The following NLK variants were observed in gnomAD, a reference collection of about 807,000 sequenced individuals.
NLK encodes nemo like kinase.
A neutral mutation model predicts 59.0 loss-of-function variants in NLK; 11 were observed. That is an observed-to-expected ratio of 0.19 (90% CI 0.12 to 0.31). The LOEUF (loss-of-function observed/expected upper bound fraction) is 0.31. Ranked by LOEUF, NLK falls within the 10% of genes least tolerant of loss-of-function variation. The pLI is 1.00. For synonymous variants in NLK, 235 were observed against 235.9 expected (o/e 1.00, Z 0.03); for missense variants, 410 against 661.1 (o/e 0.62, Z 4.16).
At chr17:28,098,645 C>G (rs183722805) in intron 1 of NLK, among the ~76,000 whole-genome samples, 2 of 147,176 alleles carry the variant, frequency 1.4e-5, no homozygotes, top group Admixed American at 1.3e-4. Context: ...AGTTATTTTT[C>G]ACAACTATGA....
At chr17:28,077,770 G>A (rs1910216574) in intron 1 of NLK, among the ~76,000 whole-genome samples, 1 of 152,144 alleles carries the variant, frequency 6.6e-6, no homozygotes. Context: ...TGCCAGTGGT[G>A]TGTTATAATT....
At chr17:28,123,687 G>A (rs1413430172) in intron 2 of NLK, among the ~76,000 whole-genome samples, 2 of 151,996 alleles carry the variant, frequency 1.3e-5, no homozygotes, top group South Asian at 4.1e-4. Context: ...CATCCCTTAA[G>A]GTAACATAGG....
intron 1 of NLK, among the ~76,000 whole-genome samples, chr17:28,091,209 AAAAACAT>A (rs1904479980): frequency 6.6e-6 from 1 of 152,148 alleles, no homozygotes; most frequent in African/African-American, 2.4e-5. Flanking sequence ...TGTAAATTTT[AAAAACAT>A]AAAACAACCA....
chr17:28,085,506 G>A (rs996310758), intron 1 of NLK, among the ~76,000 whole-genome samples: 8 of 152,150 alleles, frequency 5.3e-5, no homozygotes, highest in African/African-American at 1.2e-4. Context: ...TTGGGAGGCC[G>A]AGGTGGGTGC....
intron 3 of NLK, among the ~76,000 whole-genome samples, chr17:28,157,411 A>G (rs1030494684): frequency 6.6e-6 from 1 of 152,000 alleles, no homozygotes; most frequent in African/African-American, 2.4e-5. Context: ...GGCTCGTCTC[A>G]AACTTCTGAC....
At chr17:28,088,336 G>A (rs1464390342) in intron 1 of NLK, among the ~76,000 whole-genome samples, 2 of 152,098 alleles carry the variant, frequency 1.3e-5, no homozygotes, top group East Asian at 3.9e-4. Flanking sequence ...CCATTAATTT[G>A]TTAAGGTTTG....
chr17:28,077,329 A>G (rs1910205834), intron 1 of NLK, among the ~76,000 whole-genome samples: 1 of 152,014 alleles, frequency 6.6e-6, no homozygotes, highest in Non-Finnish European at 1.5e-5. Context: ...GCAAGAGAAA[A>G]TGAGGAAGAT....
intron 1 of NLK, among the ~76,000 whole-genome samples, chr17:28,070,543 G>A (rs1043847278): frequency 1.3e-5 from 2 of 151,112 alleles, no homozygotes; most frequent in South Asian, 2.1e-4. Context: ...TAGTAGAGAC[G>A]GGTTTCACCA....
intron 1 of NLK, among the ~76,000 whole-genome samples, chr17:28,067,316 T>A (rs2142753099): frequency 6.6e-6 from 1 of 152,274 alleles, no homozygotes; most frequent in African/African-American, 2.4e-5. Context: ...TTTATGTTTT[T>A]TACAAAAAGA....
chr17:28,185,858 G>A (rs2142069603), intron 8 of NLK, among the ~76,000 whole-genome samples: 1 of 151,786 alleles, frequency 6.6e-6, no homozygotes, highest in South Asian at 2.1e-4. Context: ...GTTTTTTAAG[G>A]TTATTTGAAA....
rs1909123986 is a variant in NLK at position 28,048,082 on chromosome 17, G to T, written c.458+4751G>T. On this transcript the variant is annotated intron_variant, in intron 1 of 10. Coordinates refer to ENST00000407008, the MANE Select transcript of NLK (RefSeq NM_016231.5). ...TCTAGACATAACAAAGCATCCGTAT[G>T]AAACTAGAAATGTGGAAATCTGTAT... 1.3e-5 allele frequency: 5 copies of T among 396,796 alleles called. No homozygotes were observed. In the South Asian group the frequency reaches 3.9e-4, roughly 31 times the overall value. The allele number at this position is 396,796 out of a possible 1,614,324, so 24.6% of individuals were successfully genotyped here. A position where few individuals can be genotyped will look rare whatever the true frequency, so the allele number is the denominator to read the frequency against.
intron 1 of NLK, among the ~76,000 whole-genome samples, chr17:28,052,415 GT>G (rs2142736436): frequency 6.6e-6 from 1 of 152,270 alleles, no homozygotes; most frequent in South Asian, 2.1e-4. Context: ...GGATAAGAGA[GT>G]TACTAGTTTG....
At chr17:28,202,712 G>A in the NLK span, among the ~76,000 whole-genome samples, 25 of 142,092 alleles carry the variant, frequency 1.8e-4, no homozygotes, top group African/African-American at 3.9e-4. Context: ...TGAGACAGGC[G>A]CGCACTGTCA....
chr17:28,140,052 G>A (rs1906922058), intron 3 of NLK, among the ~76,000 whole-genome samples: 1 of 152,152 alleles, frequency 6.6e-6, no homozygotes, highest in Admixed American at 6.6e-5. Context: ...TGGACAGGTA[G>A]CATTGAAGAG....
At chr17:28,129,067 C>T (rs192748953) in intron 2 of NLK, among the ~76,000 whole-genome samples, 19 of 152,322 alleles carry the variant, frequency 1.2e-4, no homozygotes, top group Admixed American at 5.9e-4. Context: ...AGACTTCACT[C>T]TTTATTATGC....
chr17:28,144,820 A>G (rs371580604), intron 3 of NLK, among the ~76,000 whole-genome samples: 1 of 152,210 alleles, frequency 6.6e-6, no homozygotes. Flanking sequence ...CAGACTTGCC[A>G]TAATTGGAGG....
chr17:28,057,926 ATCACTGT>A (rs1471145054), intron 1 of NLK, among the ~76,000 whole-genome samples: 39 of 152,232 alleles, frequency 2.6e-4, no homozygotes, highest in African/African-American at 9.2e-4. Flanking sequence ...GGCTGAAATC[ATCACTGT>A]GTCAACTGTA....
At chr17:28,121,597 G>C (rs1378971081) in intron 1 of NLK, among the ~76,000 whole-genome samples, 1 of 145,416 alleles carries the variant, frequency 6.9e-6, no homozygotes, top group Non-Finnish European at 1.5e-5. Context: ...CCGCCTCCAG[G>C]TTCAAGCAAT....
chr17:28,192,688 T>C (rs1382317694), intron 10 of NLK, among the ~76,000 whole-genome samples: 3 of 151,304 alleles, frequency 2.0e-5, no homozygotes, highest in South Asian at 2.1e-4. Flanking sequence ...AACAAAAAAC[T>C]GTAAGCATCA....
Sources: allele counts gnomAD v4.1 joint callset (sites outside exome capture counted in the v4.1 genomes callset), GRCh38; gene constraint gnomAD v4.1.1; transcripts MANE v1.5; gene names NCBI Gene and HGNC (gene_info 2026-07-23, HGNC 2026-07-21).